MARCHF7: variants seen among roughly 807,000 people sequenced by gnomAD.
The protein encoded by MARCHF7 is membrane associated ring-CH-type finger 7.
MARCHF7 carries 20 observed loss-of-function variants against 76.5 expected under a neutral mutation model. The observed-to-expected ratio is 0.26, with a 90% CI of 0.18 to 0.38. The LOEUF (loss-of-function observed/expected upper bound fraction) is 0.38. Ranked by LOEUF, MARCHF7 falls within the 10% of genes least tolerant of loss-of-function variation. The probability of loss-of-function intolerance (pLI) is 1.00; values close to 1 mark genes in which losing one functional copy is unlikely to be tolerated. For missense variants in MARCHF7, 797 were observed against 812.9 expected (o/e 0.98, Z 0.24); for synonymous variants, 295 against 293.0 (o/e 1.01, Z -0.07).
rs1056428711 is a variant in MARCHF7 at position 159,770,268 on chromosome 2, A to C, written c.*2926A>C. The C allele has an allele frequency of 2.0e-5, 3 of 152,194 alleles. No individual in the cohort carries two copies. Among genetic ancestry groups the C allele is most frequent in the Non-Finnish European group, 4.4e-5 (3 of 68,040 alleles). The allele number at this position is 152,194 out of a possible 1,614,324, so 9.4% of individuals were successfully genotyped here. A position where few individuals can be genotyped will look rare whatever the true frequency, so the allele number is the denominator to read the frequency against. On this transcript the variant is annotated 3_prime_UTR_variant, in exon 12 of 12. Coordinates refer to ENST00000409175, the MANE Select transcript of MARCHF7 (RefSeq NM_001282805.2). ...AATAGACATCTCAATCACTATACAA[A>C]ATCTCAGAAATGTAAAGCTCTTACA...
intron 1 of MARCHF7, among the ~76,000 whole-genome samples, chr2:159,713,307 G>T (rs941914798): frequency 6.6e-6 from 1 of 152,182 alleles, no homozygotes; most frequent in Non-Finnish European, 1.5e-5. Flanking sequence ...TCATTTTGGT[G>T]AAACTGCGTA....
chr2:159,761,574 C>A (rs111265733), intron 9 of MARCHF7, among the ~76,000 whole-genome samples: 11,242 of 151,304 alleles, frequency 0.074, 859 homozygotes, highest in African/African-American at 0.19. Context: ...GCCACCACAC[C>A]CAGCTAATTG....
At chr2:159,714,305 T>G (rs965809808) in intron 1 of MARCHF7, among the ~76,000 whole-genome samples, 1 of 152,216 alleles carries the variant, frequency 6.6e-6, no homozygotes, top group Non-Finnish European at 1.5e-5. Context: ...TATGGAGAGC[T>G]TCACATTACA....
chr2:159,747,570 A>G (rs1219914380), intron 6 of MARCHF7, among the ~76,000 whole-genome samples: 1 of 152,076 alleles, frequency 6.6e-6, no homozygotes, highest in African/African-American at 2.4e-5. Flanking sequence ...CTCATAATAC[A>G]TTTCTTTTTT....
chr2:159,760,302 T>C (rs534640041), intron 9 of MARCHF7, among the ~76,000 whole-genome samples: 7 of 152,358 alleles, frequency 4.6e-5, no homozygotes, highest in African/African-American at 1.4e-4. Flanking sequence ...TTATAAAATA[T>C]ATAGACACAA....
At chr2:159,736,593 T>C (rs1703483363) in intron 4 of MARCHF7, among the ~76,000 whole-genome samples, 1 of 152,190 alleles carries the variant, frequency 6.6e-6, no homozygotes, top group Admixed American at 6.5e-5. Flanking sequence ...TTTAAGGGCA[T>C]TTGTGTTGGG....
chr2:159,736,603 G>A (rs13403371), intron 4 of MARCHF7, among the ~76,000 whole-genome samples: 52,473 of 151,844 alleles, frequency 0.35, 9,262 homozygotes, highest in South Asian at 0.44. Context: ...TTTGTGTTGG[G>A]AAAATATTTT....
intron 8 of MARCHF7, among the ~76,000 whole-genome samples, chr2:159,758,914 CAG>C (rs1347572194): frequency 3.3e-5 from 5 of 152,160 alleles, no homozygotes; most frequent in Admixed American, 6.5e-5. Context: ...GTAGGAAGTA[CAG>C]ATGACATTCC....
rs771632035 is a variant in MARCHF7, at chr2:159,752,419, C to CAGA, written c.1643_1645dup (p.Glu548dup). 5.2e-5 allele frequency: 82 copies of CAGA among 1,590,848 alleles called. No homozygotes were observed. The highest frequency in any genetic ancestry group is 6.9e-5 in the Non-Finnish European group (81 of 1,170,554). On this transcript the variant is annotated inframe_insertion, in exon 8 of 12. Transcript: ENST00000409175. ...TTTTCCAGCCTCCTTTTAGAGGACTCAGAAGAAGAAGAAGGTGACTTATGT... is the reference window on the plus strand; with the variant it reads ...TTTTCCAGCCTCCTTTTAGAGGACTCAGAAGAAGAAGAAGAAGGTGACTTATGT...
intron 4 of MARCHF7, among the ~76,000 whole-genome samples, chr2:159,739,983 C>G (rs1039298840): frequency 2.6e-5 from 4 of 152,124 alleles, no homozygotes; most frequent in Non-Finnish European, 5.9e-5. Flanking sequence ...TAAATCTGCT[C>G]CCCTATAATC....
At chr2:159,716,316 A>G (rs892013264) in intron 3 of MARCHF7, among the ~76,000 whole-genome samples, 1 of 151,850 alleles carries the variant, frequency 6.6e-6, no homozygotes, top group Non-Finnish European at 1.5e-5. Context: ...ATAATGAAAT[A>G]GTAACTGCGT....
At chr2:159,761,102 G>A (rs574384862) in intron 9 of MARCHF7, among the ~76,000 whole-genome samples, 11 of 147,646 alleles carry the variant, frequency 7.5e-5, no homozygotes, top group East Asian at 2.0e-4. Context: ...CTCAGCTCAC[G>A]ACAACCTCTG....
At position 159,770,047 on chromosome 2, in the gene MARCHF7, C is replaced by CTT. The variant is rs1708085370; in HGVS notation, c.*2706_*2707dup. 6.6e-6 allele frequency: 1 copy of CTT among 152,186 alleles called. No homozygotes were observed. 9.4% of individuals were successfully genotyped at this position (152,186 alleles called of 1,614,324 possible). ...TTGAGACTGTTGGTTTTAAGTTGGA[C>CTT]TTAATCACTTTCCTACCCAAATTCT... On this transcript the variant is annotated 3_prime_UTR_variant, in exon 12 of 12. Coordinates refer to ENST00000409175, the MANE Select transcript of MARCHF7 (RefSeq NM_001282805.2).
At chr2:159,750,779 A>G (rs1202149746) in intron 7 of MARCHF7, among the ~76,000 whole-genome samples, 3 of 152,258 alleles carry the variant, frequency 2.0e-5, no homozygotes, top group South Asian at 2.1e-4. Context: ...AGACTTATAT[A>G]AAGTTAATGT....
At chr2:159,744,179 G>T (rs998466129) in intron 5 of MARCHF7, among the ~76,000 whole-genome samples, 19 of 151,456 alleles carry the variant, frequency 1.3e-4, no homozygotes, top group Non-Finnish European at 2.5e-4. Flanking sequence ...AGTAGAGACG[G>T]GGTTTCACCG....
intron 4 of MARCHF7, among the ~76,000 whole-genome samples, chr2:159,732,117 A>G (rs1364054708): frequency 6.6e-6 from 1 of 152,076 alleles, no homozygotes; most frequent in African/African-American, 2.4e-5. Context: ...AAAAACAAAA[A>G]ACAAAAAACA....
intron 4 of MARCHF7, among the ~76,000 whole-genome samples, chr2:159,737,992 G>A (rs1703663687): frequency 6.6e-6 from 1 of 152,218 alleles, no homozygotes; most frequent in South Asian, 2.1e-4. Flanking sequence ...TACTCGGACT[G>A]GCAGGCTTTG....
At chr2:159,719,382 C>CGTG in intron 3 of MARCHF7, among the ~76,000 whole-genome samples, 1 of 152,146 alleles carries the variant, frequency 6.6e-6, no homozygotes, top group South Asian at 2.1e-4. Flanking sequence ...CCTTGACCAC[C>CGTG]CCCCACCACC....
intron 10 of MARCHF7, 62 bp from the exon 11 acceptor site, chr2:159,764,564 T>G: frequency 7.5e-7 from 1 of 1,328,362 alleles, no homozygotes; most frequent in Non-Finnish European, 1.0e-6. Context: ...CCTATACTGA[T>G]TCTCTCTTTA....
Sources: gnomAD v4.1 joint callset for allele counts (sites outside exome capture counted in the v4.1 genomes callset) on GRCh38, gnomAD v4.1.1 for gene constraint, MANE v1.5 for transcripts, NCBI Gene and HGNC (gene_info 2026-07-23, HGNC 2026-07-21) for gene names.